ROBO2: variants seen among roughly 807,000 people sequenced by gnomAD.
ROBO2 encodes the protein roundabout guidance receptor 2.
A neutral mutation model predicts 160.8 loss-of-function variants in ROBO2; 53 were observed. The ratio of observed to expected loss-of-function variants is 0.33; its 90% CI spans 0.26 to 0.41. ROBO2 has a LOEUF of 0.41. Among genes scored for constraint, ROBO2 ranks in the 10% least tolerant of loss-of-function variants. ROBO2 has a pLI of 1.00. For synonymous variants in ROBO2, 664 were observed against 611.7 expected, an observed-to-expected ratio of 1.09 and a Z score of -1.26; for missense variants, 1,577 against 1,722.4, an observed-to-expected ratio of 0.92 and a Z score of 1.49.
At chr3:76,847,176 C>T (rs1333445986) in intron 2 of ROBO2, among the ~76,000 whole-genome samples, 1 of 152,052 alleles carries the variant, frequency 6.6e-6, no homozygotes, top group African/African-American at 2.4e-5. Context: ...TACACTGTTC[C>T]TGTTAGATTT....
intron 2 of ROBO2, among the ~76,000 whole-genome samples, chr3:77,391,385 C>A (rs2074714832): frequency 6.6e-6 from 1 of 152,056 alleles, no homozygotes; most frequent in Non-Finnish European, 1.5e-5. Context: ...CGGCTCACTG[C>A]AGCCTCAACC....
intron 2 of ROBO2, among the ~76,000 whole-genome samples, chr3:76,422,910 G>A (rs1261997750): frequency 1.3e-5 from 2 of 152,152 alleles, no homozygotes; most frequent in Non-Finnish European, 2.9e-5. Context: ...GTAATCCAAA[G>A]ACACTAGGAA....
intron 2 of ROBO2, among the ~76,000 whole-genome samples, chr3:76,270,415 T>G (rs1707359481): frequency 6.6e-6 from 1 of 152,034 alleles, no homozygotes; most frequent in African/African-American, 2.4e-5. Context: ...GTCTTCCAAT[T>G]TTGTATAATT....
chr3:77,052,045 A>T (rs2149699305), intron 1 of ROBO2, among the ~76,000 whole-genome samples: 2 of 152,272 alleles, frequency 1.3e-5, no homozygotes, highest in South Asian at 4.2e-4. Flanking sequence ...ATGACCCCAG[A>T]TTCTTCCGTT....
chr3:77,316,853 G>A, intron 2 of ROBO2: 1 of 1,204,198 alleles, frequency 8.3e-7, no homozygotes, highest in Non-Finnish European at 1.2e-6. Context: ...CCTGGCTGCA[G>A]GGTCTGAGTG....
At chr3:76,058,603 T>C (rs2067942772) in intron 2 of ROBO2, among the ~76,000 whole-genome samples, 1 of 147,668 alleles carries the variant, frequency 6.8e-6, no homozygotes, top group Non-Finnish European at 1.5e-5. Flanking sequence ...TTTTTTTTTT[T>C]TTTTTTTTTT....
chr3:76,554,295 G>A (rs2083581403), intron 2 of ROBO2, among the ~76,000 whole-genome samples: 1 of 152,096 alleles, frequency 6.6e-6, no homozygotes, highest in Non-Finnish European at 1.5e-5. Context: ...CACAGCAAAT[G>A]TCAGGGAGAA....
At chr3:76,219,513 A>C (rs945576002) in intron 2 of ROBO2, among the ~76,000 whole-genome samples, 10 of 152,244 alleles carry the variant, frequency 6.6e-5, no homozygotes, top group Non-Finnish European at 1.0e-4. Flanking sequence ...AAAGTGGGCG[A>C]AGGACATGAA....
At chr3:77,377,636 A>T (rs1308952297) in intron 2 of ROBO2, among the ~76,000 whole-genome samples, 1 of 152,232 alleles carries the variant, frequency 6.6e-6, no homozygotes, top group East Asian at 1.9e-4. Flanking sequence ...GAAAGATATG[A>T]GACCTCGATC....
intron 2 of ROBO2, among the ~76,000 whole-genome samples, chr3:76,631,718 A>T (rs1374204406): frequency 6.6e-6 from 1 of 152,144 alleles, no homozygotes. Context: ...GCAACTGGCT[A>T]TAGGGCATTG....
intron 2 of ROBO2, among the ~76,000 whole-genome samples, chr3:76,775,829 A>G (rs2062214443): frequency 6.6e-6 from 1 of 150,798 alleles, no homozygotes; most frequent in Non-Finnish European, 1.5e-5. Context: ...TTGGAATAAA[A>G]TTTTTAATTA....
intron 3 of ROBO2, among the ~76,000 whole-genome samples, chr3:77,478,749 A>G (rs539300036): frequency 1.3e-5 from 2 of 152,362 alleles, no homozygotes; most frequent in East Asian, 3.9e-4. Context: ...TCTTAAAAAT[A>G]TGTTTATTAC....
intron 2 of ROBO2, among the ~76,000 whole-genome samples, chr3:77,250,636 G>A (rs915361365): frequency 1.3e-5 from 2 of 152,192 alleles, no homozygotes; most frequent in Non-Finnish European, 2.9e-5. Flanking sequence ...GAATACCTGA[G>A]ACTAAGTAAT....
chr3:77,298,137 T>A (rs2062320556), intron 2 of ROBO2, among the ~76,000 whole-genome samples: 1 of 152,118 alleles, frequency 6.6e-6, no homozygotes, highest in African/African-American at 2.4e-5. Flanking sequence ...TCCAAGGAAA[T>A]TCTGAAGGTT....
chr3:77,596,883 C>A, intron 19 of ROBO2, 133 bp downstream of exon 20: 1 of 1,047,778 alleles, frequency 9.5e-7, no homozygotes, highest in Non-Finnish European at 1.4e-6. Flanking sequence ...GAAACATATG[C>A]ACTAACAGTG....
rs189453208 is a variant in ROBO2, at chr3:76,693,098, C to T, written c.110-404916C>T. 2.1e-3 allele frequency among the ~76,000 whole-genome samples: 316 copies of T among 149,000 alleles called. 1 individual carries two copies. Among genetic ancestry groups the T allele is most frequent in the African/African-American group, 7.4e-3 (302 of 40,770 alleles). On this transcript the variant is annotated intron_variant, in intron 2 of 26. Coordinates refer to the ROBO2 transcript ENST00000487694. ...ATAGTGTATATATTTAGTGTACATA[C>T]ACATATCCCTATATATGTATGTGTA...
chr3:76,546,614 T>C (rs768621716), intron 2 of ROBO2, among the ~76,000 whole-genome samples: 1 of 151,864 alleles, frequency 6.6e-6, no homozygotes, highest in Non-Finnish European at 1.5e-5. Flanking sequence ...GCTTTGAAAA[T>C]AGACCTCCAG....
chr3:76,069,920 C>T (rs554961417), intron 2 of ROBO2, among the ~76,000 whole-genome samples: 3 of 152,316 alleles, frequency 2.0e-5, no homozygotes, highest in East Asian at 3.9e-4. Flanking sequence ...CCTGTCTTTA[C>T]TGCAATCTCT....
intron 2 of ROBO2, among the ~76,000 whole-genome samples, chr3:76,364,823 T>C (rs2075719687): frequency 6.6e-6 from 1 of 152,042 alleles, no homozygotes. Context: ...TTACAATATC[T>C]TTTTTAAAGA....
Sources: gnomAD v4.1 joint callset for allele counts (sites outside exome capture counted in the v4.1 genomes callset) on GRCh38, gnomAD v4.1.1 for gene constraint, MANE v1.5 for transcripts, NCBI Gene and HGNC (gene_info 2026-07-23, HGNC 2026-07-21) for gene names.